FNTA: variants seen among roughly 807,000 people sequenced by gnomAD.
The protein encoded by FNTA is farnesyltransferase, CAAX box, subunit alpha, also known as protein farnesyltransferase/geranylgeranyltransferase type-1 subunit alpha.
In FNTA, 27 loss-of-function variants were observed where a neutral mutation model predicts 55.2. That is an observed-to-expected ratio of 0.49 (90% CI 0.36 to 0.67). The LOEUF is 0.67. Among genes scored for constraint, FNTA ranks in the 30% least tolerant of loss-of-function variants. The pLI, the probability that FNTA is intolerant of heterozygous loss-of-function variation, is 0.00. For synonymous variants in FNTA, 176 were observed against 170.7 expected (o/e 1.03, Z -0.24); for missense variants, 422 against 464.7 (o/e 0.91, Z 0.85).
At chr8:43,081,398 G>A (rs1304758061) in intron 6 of FNTA, 6 of 152,120 alleles carry the variant, frequency 3.9e-5, no homozygotes, top group Non-Finnish European at 8.8e-5. Flanking sequence ...ACCAATAACA[G>A]CATTTATCAA....
At chr8:43,064,376 A>G (rs550610244) in intron 3 of FNTA, among the ~76,000 whole-genome samples, 161 bp downstream of exon 3, 1 of 152,116 alleles carries the variant, frequency 6.6e-6, no homozygotes, top group South Asian at 2.1e-4. Flanking sequence ...TAACTGGTAC[A>G]ATCTTGGCTC....
intron 5 of FNTA, chr8:43,076,771 G>A (rs1161259625): frequency 6.6e-6 from 1 of 152,392 alleles, no homozygotes; most frequent in Non-Finnish European, 1.5e-5. Flanking sequence ...CAGCTACTTG[G>A]GAGGCTGAGG....
intron 5 of FNTA, among the ~76,000 whole-genome samples, chr8:43,073,861 G>A (rs946000930): frequency 2.0e-5 from 3 of 152,134 alleles, no homozygotes; most frequent in African/African-American, 7.2e-5. Context: ...ACTTTCAGTA[G>A]TGTCAAAGCC....
At chr8:43,066,728 A>G (rs1330551802) in intron 3 of FNTA, among the ~76,000 whole-genome samples, 1 of 152,100 alleles carries the variant, frequency 6.6e-6, no homozygotes, top group Non-Finnish European at 1.5e-5. Flanking sequence ...AGAGACAGGA[A>G]AAATCCTGAT....
intron 5 of FNTA, among the ~76,000 whole-genome samples, chr8:43,076,054 A>AT (rs1314538042): frequency 1.3e-5 from 2 of 150,992 alleles, no homozygotes; most frequent in Non-Finnish European, 3.0e-5. Flanking sequence ...TATTGTTTTT[A>AT]TTTTTTGGAG....
At position 43,064,449 on chromosome 8, in the gene FNTA, A is replaced by G. The variant is rs539779183; in HGVS notation, c.401+234A>G. On this transcript the variant is annotated intron_variant, in intron 3 of 8. Coordinates refer to ENST00000302279, the MANE Select transcript of FNTA (RefSeq NM_002027.3). ...TGCCTCAGCCTTCTGAGTAGCTGGGATTACGGGCGCCCACCACCACGCCCA... is the reference window on the plus strand; with the variant it reads ...TGCCTCAGCCTTCTGAGTAGCTGGGGTTACGGGCGCCCACCACCACGCCCA... 2.0e-5 allele frequency among the ~76,000 whole-genome samples: 3 copies of G among 151,816 alleles called. No individual in the cohort carries two copies. In the South Asian group the frequency reaches 6.3e-4, roughly 32 times the overall value.
At chr8:43,072,974 A>C (rs1158579649) in intron 5 of FNTA, among the ~76,000 whole-genome samples, 2 of 152,120 alleles carry the variant, frequency 1.3e-5, no homozygotes, top group South Asian at 2.1e-4. Flanking sequence ...ACAGTAACTT[A>C]AGTTTTTTAT....
chr8:43,083,187 G>A lies in FNTA; in HGVS notation c.845+7G>A, dbSNP rs773986638. 3.2e-6 allele frequency: 5 copies of A among 1,565,116 alleles called. No homozygotes were observed. In the South Asian group the frequency reaches 3.6e-5, roughly 11 times the overall value. On this transcript the variant is annotated splice_region_variant and intron_variant, in intron 7 of 8. Transcript: ENST00000302279. ...CATGGAACTATTTGAAAGGGTAAGA[G>A]GTTGTTTTTGCTTTTTTTATATATA...
chr8:43,062,505 C>T (rs1810558611), intron 2 of FNTA, among the ~76,000 whole-genome samples: 1 of 152,042 alleles, frequency 6.6e-6, no homozygotes, highest in Admixed American at 6.6e-5. Context: ...TGGTCTTGAG[C>T]TTCTGACCTC....
intron 7 of FNTA, among the ~76,000 whole-genome samples, chr8:43,084,072 G>T (rs77062904): frequency 7.5e-6 from 1 of 134,018 alleles, no homozygotes; most frequent in Non-Finnish European, 1.6e-5. Context: ...CTGTCTCAAA[G>T]AAAAAAAAAA....
intron 6 of FNTA, 45 bp from the exon 7 acceptor site, chr8:43,083,071 TCA>T: frequency 8.8e-7 from 1 of 1,140,862 alleles, no homozygotes; most frequent in Middle Eastern, 2.7e-4. Context: ...CTGTGTCTCA[TCA>T]TTGCACTGTT....
Position 43,069,697 on chromosome 8 carries a change from T to A in FNTA, c.506+38T>A, listed in dbSNP as rs1436498678. The A allele has an allele frequency of 3.9e-6, 5 of 1,287,116 alleles. No individual in the cohort carries two copies. The African/African-American group carries it at 7.3e-5, about 19-fold the overall frequency. The allele number at this position is 1,287,116 out of a possible 1,614,324, so 79.7% of individuals were successfully genotyped here. ...TCTAGCTGTGTCTCCCAGGCTGGAG[T>A]GCAGTGGCATGACCTCGGCTCACTG... On this transcript the variant is annotated intron_variant, in intron 4 of 8. Coordinates refer to ENST00000302279, the MANE Select transcript of FNTA (RefSeq NM_002027.3).
intron 6 of FNTA, 180 bp from the exon 7 acceptor site, chr8:43,082,938 C>T (rs761302994): frequency 1.8e-4 from 67 of 378,210 alleles, no homozygotes; most frequent in Non-Finnish European, 2.9e-4. Context: ...CCCAGCTACT[C>T]GGGAGGCTGA....
intron 7 of FNTA, among the ~76,000 whole-genome samples, chr8:43,083,902 G>A (rs1003530641): frequency 2.0e-5 from 3 of 152,094 alleles, no homozygotes; most frequent in African/African-American, 4.8e-5. Flanking sequence ...GCAAAACCCC[G>A]TCTCTACTAA....
In FNTA at chr8:43,080,149, C is replaced by T. The variant is rs1213972736; in HGVS notation, c.782+2785C>T. 2.0e-5 allele frequency: 3 copies of T among 152,306 alleles called. No individual in the cohort carries two copies. In the East Asian group the frequency reaches 5.8e-4, roughly 29 times the overall value. 9.4% of individuals were successfully genotyped at this position (152,306 alleles called of 1,614,324 possible). ...TTAAATATTGTAAATATTACCTGAA[C>T]TTAGTTGATAAAGCAGCAGGATATA... On this transcript the variant is annotated intron_variant, in intron 6 of 8. Transcript: ENST00000302279.
chr8:43,079,273 T>C (rs1044546787), intron 6 of FNTA: 1 of 188,602 alleles, frequency 5.3e-6, no homozygotes, highest in Non-Finnish European at 1.1e-5. Flanking sequence ...AGACTTTTCA[T>C]AGCTAGAGAG....
At chr8:43,057,815 G>C (rs1810444776) in intron 1 of FNTA, among the ~76,000 whole-genome samples, 1 of 151,954 alleles carries the variant, frequency 6.6e-6, no homozygotes, top group Non-Finnish European at 1.5e-5. Context: ...AAAATTAGCC[G>C]GGCGTGGTGG....
At position 43,067,646 on chromosome 8, in the gene FNTA, CT is replaced by C. The variant is rs58503449; in HGVS notation, c.402-1894del. ...ATATTTACATGCTCTGGGAAGTCTA[CT>C]TTTTTTTTTTTTTTGGAATAATAAT... On this transcript the variant is annotated intron_variant, in intron 3 of 8. Transcript: ENST00000302279. Among the ~76,000 whole-genome samples the C allele has an allele frequency of 7.5e-3, 1,019 of 136,210 alleles. 1 individual carries two copies. The highest frequency in any genetic ancestry group is 0.01 in the African/African-American group (392 of 37,468). 89.4% of individuals were successfully genotyped at this position (136,210 alleles called of 152,430 possible).
chr8:43,077,209 C>A lies in FNTA; in HGVS notation c.634-7C>A. On this transcript the variant is annotated splice_region_variant and splice_polypyrimidine_tract_variant and intron_variant, in intron 5 of 8. Coordinates refer to ENST00000302279, the MANE Select transcript of FNTA (RefSeq NM_002027.3). ...AATTGGATGATTTTTCTAAATTTTT[C>A]CTTTAGGAATTTAAACTTTGGGATA... The A allele has an allele frequency of 6.4e-7, 1 of 1,552,574 alleles. No individual in the cohort carries two copies. The highest frequency in any genetic ancestry group is 8.7e-7 in the Non-Finnish European group (1 of 1,147,052).
Sources: gnomAD v4.1 joint callset for allele counts (sites outside exome capture counted in the v4.1 genomes callset) on GRCh38, gnomAD v4.1.1 for gene constraint, MANE v1.5 for transcripts, NCBI Gene and HGNC (gene_info 2026-07-23, HGNC 2026-07-21) for gene names.